Variants in DSG4 observed in about 807,000 individuals in gnomAD.
DSG4 encodes desmoglein 4.
In DSG4, 87 loss-of-function variants were observed where a neutral mutation model predicts 93.1. That is an observed-to-expected ratio of 0.93 (90% confidence interval 0.79 to 1.12). DSG4 has a LOEUF of 1.12. Ranked by LOEUF, DSG4 falls within the 50% of genes most tolerant of loss-of-function variation. DSG4 has a pLI of 0.00. For missense variants in DSG4, 1,373 were observed against 1,285.7 expected (o/e 1.07, Z -1.04); for synonymous variants, 432 against 452.9 (o/e 0.95, Z 0.59).
At chr18:31,393,201 A>G (rs1430187662) in intron 8 of DSG4, among the ~76,000 whole-genome samples, 2 of 152,204 alleles carry the variant, frequency 1.3e-5, no homozygotes, top group Non-Finnish European at 2.9e-5. Context: ...ATTAAGACAT[A>G]TATGTACACA....
In DSG4 at chr18:31,411,328, GGCCGCAGGGGCCGCAGGA is replaced by G; in HGVS notation, c.2239_2256del (p.Ala747_Ala752del). ...GTATGGGGACAGCCGTTGGCCTCAT[GGCCGCAGGGGCCGCAGGA>G]GCCTCAGGGGCCGCAAGGAAGAGGA... On this transcript the variant is annotated inframe_deletion, in exon 15 of 16. Transcript: ENST00000308128. The G allele has an allele frequency of 6.2e-7, 1 of 1,614,154 alleles. No individual in the cohort carries two copies. Among genetic ancestry groups the G allele is most frequent in the South Asian group, 1.1e-5 (1 of 91,078 alleles).
intron 1 of DSG4, among the ~76,000 whole-genome samples, chr18:31,381,827 A>AT (rs35928619): frequency 0.16 from 21,766 of 140,344 alleles, 1,573 homozygotes; most frequent in Middle Eastern, 0.23. Context: ...CGCCCAGCTA[A>AT]TTTTTTTTTT....
rs1476228223 is a variant in DSG4, at chr18:31,392,262, T to C, written c.927T>C (p.Ile309=). 4 of 1,613,650 alleles carry C rather than the reference T, an allele frequency of 2.5e-6. No individual in the cohort carries two copies. Among genetic ancestry groups the C allele is most frequent in the Admixed American group, 1.7e-5 (1 of 59,982 alleles). ...GTDNWLAQYL[I]LSGNDGNWFD... is the part of the protein sequence containing the mutation. The stretch of plus-strand genomic sequence containing the variant: ...ATAACTGGTTGGCTCAATATTTAAT[T>C]CTCTCTGGAAATGATGGGAATTGGT... The change falls in exon 8 of 16, where the codon ATT becomes ATC. Residue 309 remains isoleucine, a synonymous_variant. Coordinates refer to ENST00000308128, the MANE Select transcript of DSG4 (RefSeq NM_177986.5).
chr18:31,379,487 C>T (rs757187531), intron 1 of DSG4, among the ~76,000 whole-genome samples: 3 of 152,096 alleles, frequency 2.0e-5, no homozygotes, highest in African/African-American at 4.8e-5. Context: ...GAATCACTTA[C>T]GGCAGGACAG....
At position 31,392,227 on chromosome 18, in the gene DSG4, G is replaced by A. The variant is rs989929740; in HGVS notation, c.892G>A (p.Glu298Lys). 19 of 1,613,688 alleles carry A rather than the reference G, an allele frequency of 1.2e-5. No homozygotes were observed. The highest frequency in any genetic ancestry group is 1.6e-5 in the Non-Finnish European group (19 of 1,179,866). ...IRLQAIDLDE[E>K]GTDNWLAQYL... is the part of the protein sequence containing the mutation. The stretch of plus-strand genomic sequence containing the variant: ...ATTACAAGCAATTGATCTTGATGAA[G>A]AAGGCACTGATAACTGGTTGGCTCA... Residue 298 changes from glutamate to lysine, a missense_variant, in exon 8 of 16, where the codon GAA (glutamate) becomes AAA (lysine). By Grantham distance (56) the Glu-to-Lys change is moderately conservative. Coordinates refer to ENST00000308128, the MANE Select transcript of DSG4 (RefSeq NM_177986.5).
At position 31,385,176 on chromosome 18, in the gene DSG4, T is replaced by C. The variant is rs747420670; in HGVS notation, c.84+5T>C. 50 of 1,574,488 alleles carry C rather than the reference T, an allele frequency of 3.2e-5. No individual in the cohort carries two copies. The highest frequency in any genetic ancestry group is 4.3e-6 in the Non-Finnish European group (5 of 1,153,374). On this transcript the variant is annotated splice_donor_5th_base_variant and intron_variant, in intron 2 of 15. Coordinates refer to ENST00000308128, the MANE Select transcript of DSG4 (RefSeq NM_177986.5). ...AACAGTGAATTTATTGTTGAGGTAA[T>C]GTAAAATAAAATTATTTTCTCAATT...
At position 31,413,628 on chromosome 18, in the gene DSG4, T is replaced by C. The variant is rs764974200; in HGVS notation, c.*33T>C. On this transcript the variant is annotated 3_prime_UTR_variant, in exon 16 of 16. Transcript: ENST00000308128. ...ATGGTCAGTATTCTATGTGGAGACC[T>C]TGCACCTTGTAATCATCAATACATC... The C allele has an allele frequency of 3.5e-5, 56 of 1,606,584 alleles. No homozygotes were observed. Among genetic ancestry groups the C allele is most frequent in the Non-Finnish European group, 8.5e-7 (1 of 1,178,836 alleles).
At position 31,413,619 on chromosome 18, in the gene DSG4, G is replaced by T; in HGVS notation, c.*24G>T. The T allele has an allele frequency of 6.2e-7, 1 of 1,609,898 alleles. No individual in the cohort carries two copies. On this transcript the variant is annotated 3_prime_UTR_variant, in exon 16 of 16. Coordinates refer to ENST00000308128, the MANE Select transcript of DSG4 (RefSeq NM_177986.5). ...AAGTGCTTTATGGTCAGTATTCTAT[G>T]TGGAGACCTTGCACCTTGTAATCAT...
Position 31,399,278 on chromosome 18 carries a change from G to T in DSG4, c.1012G>T (p.Asp338Tyr), listed in dbSNP as rs754093240. The change falls in exon 9 of 16, where the codon GAT becomes TAT. Residue 338 changes from aspartate (D) to tyrosine (Y), a missense_variant. Asp to Tyr is a radical substitution (Grantham distance 160). Transcript: ENST00000308128. ...TTATTTTCTTTCATTTCAGATGCTG[G>T]ATTATGAACAAGCACCTAACATTCA... is the stretch of plus-strand genomic sequence containing the variant. ...EGILKVVKMLDYEQAPNIQLS... is the reference protein window; with the variant it reads ...EGILKVVKMLYYEQAPNIQLS... 3.7e-6 allele frequency: 6 copies of T among 1,613,876 alleles called. No individual in the cohort carries two copies. In the Admixed American group the frequency reaches 6.7e-5, roughly 18 times the overall value.
chr18:31,406,442 A>G (rs1164017883), intron 12 of DSG4, 69 bp downstream of exon 12: 1 of 1,593,566 alleles, frequency 6.3e-7, no homozygotes, highest in Non-Finnish European at 8.6e-7. Flanking sequence ...GCTCGCTGGG[A>G]TGGTTAGGTT....
intron 1 of DSG4, among the ~76,000 whole-genome samples, chr18:31,377,555 T>A (rs889247520): frequency 1.3e-5 from 2 of 152,186 alleles, no homozygotes; most frequent in South Asian, 4.1e-4. Flanking sequence ...CAAAGAAATA[T>A]TTAAATGACT....
intron 14 of DSG4, among the ~76,000 whole-genome samples, 174 bp downstream of exon 14, chr18:31,409,982 A>G (rs2072468381): frequency 6.6e-6 from 1 of 152,154 alleles, no homozygotes; most frequent in Non-Finnish European, 1.5e-5. Flanking sequence ...ATCTGAAACT[A>G]CAGACAGTGA....
intron 9 of DSG4, among the ~76,000 whole-genome samples, chr18:31,400,590 A>G (rs1458272200): frequency 6.6e-6 from 1 of 152,206 alleles, no homozygotes; most frequent in African/African-American, 2.4e-5. Context: ...GATGTTTTAC[A>G]TTGCTATGAT....
chr18:31,412,474 A>G (rs569327168), intron 15 of DSG4, among the ~76,000 whole-genome samples: 2 of 152,216 alleles, frequency 1.3e-5, no homozygotes, highest in Non-Finnish European at 2.9e-5. Flanking sequence ...GCTATAGTTA[A>G]CAATAATTTA....
intron 11 of DSG4, among the ~76,000 whole-genome samples, chr18:31,403,875 C>T (rs1218646489): frequency 6.6e-6 from 1 of 152,054 alleles, no homozygotes; most frequent in Non-Finnish European, 1.5e-5. Context: ...TGGATAAATA[C>T]CAGTTTACCC....
At chr18:31,386,247 C>T (rs867985851) in intron 2 of DSG4, among the ~76,000 whole-genome samples, 1 of 152,056 alleles carries the variant, frequency 6.6e-6, no homozygotes, top group Non-Finnish European at 1.5e-5. Context: ...TAGGTGAGCA[C>T]GACTCACCAG....
At chr18:31,401,728 C>A (rs1160396686) in intron 10 of DSG4, 1 of 151,962 alleles carries the variant, frequency 6.6e-6, no homozygotes, top group Non-Finnish European at 1.5e-5. Context: ...AAACAAGAGA[C>A]AAAGGTCAGG....
chr18:31,402,592 T>A (rs905343056), intron 10 of DSG4, among the ~76,000 whole-genome samples: 52 of 152,082 alleles, frequency 3.4e-4, no homozygotes, highest in African/African-American at 1.2e-3. Context: ...ACAGAAAACA[T>A]CTGTAAAAGG....
intron 10 of DSG4, 139 bp downstream of exon 10, chr18:31,401,159 A>G (rs2072361994): frequency 1.6e-6 from 1 of 640,132 alleles, no homozygotes; most frequent in Non-Finnish European, 2.5e-6. Flanking sequence ...TAAACACCTT[A>G]AATCAAGAAT....
Sources: gnomAD v4.1 joint callset for allele counts (sites outside exome capture counted in the v4.1 genomes callset) on GRCh38, gnomAD v4.1.1 for gene constraint, MANE v1.5 for transcripts, NCBI Gene and HGNC (gene_info 2026-07-23, HGNC 2026-07-21) for gene names.